PTPRA: variants seen among roughly 807,000 people sequenced by gnomAD.
The protein encoded by PTPRA is protein tyrosine phosphatase receptor type A.
A neutral mutation model predicts 104.8 loss-of-function variants in PTPRA; 25 were observed. The ratio of observed to expected loss-of-function variants is 0.24; its 90% CI spans 0.17 to 0.33. The LOEUF (loss-of-function observed/expected upper bound fraction) is 0.33. Ranked by LOEUF, PTPRA falls within the 10% of genes least tolerant of loss-of-function variation. PTPRA has a pLI of 1.00. For synonymous variants in PTPRA, 323 were observed against 368.9 expected (o/e 0.88, Z 1.43); for missense variants, 765 against 1,015.3 (o/e 0.75, Z 3.35).
chr20:2,997,389 A>G (rs1349284130), intron 9 of PTPRA, among the ~76,000 whole-genome samples: 8 of 152,310 alleles, frequency 5.3e-5, no homozygotes, highest in African/African-American at 4.8e-5. Flanking sequence ...AATCTAATGG[A>G]CTTAGTTTGC....
chr20:3,019,271 C>A (rs1167244491), intron 13 of PTPRA, among the ~76,000 whole-genome samples: 1 of 150,688 alleles, frequency 6.6e-6, no homozygotes, highest in Non-Finnish European at 1.5e-5. Context: ...CCACCTCCCT[C>A]CCGGACGAGG....
At chr20:2,893,546 A>G (rs775073181) in intron 1 of PTPRA, among the ~76,000 whole-genome samples, 44 of 152,322 alleles carry the variant, frequency 2.9e-4, no homozygotes, top group Middle Eastern at 3.4e-3. Flanking sequence ...TATATATGGT[A>G]TATCATATAT....
chr20:2,868,915 T>C (rs2089395775), upstream of PTPRA, among the ~76,000 whole-genome samples: 1 of 152,162 alleles, frequency 6.6e-6, no homozygotes, highest in Non-Finnish European at 1.5e-5. Context: ...ATGTGAGAAA[T>C]AACTTTTAAC....
chr20:2,906,389 C>A (rs1484357252), intron 1 of PTPRA, among the ~76,000 whole-genome samples: 3 of 152,096 alleles, frequency 2.0e-5, no homozygotes, highest in African/African-American at 7.2e-5. Context: ...CTGAAGAAAA[C>A]CTTTCTCCAA....
intron 1 of PTPRA, among the ~76,000 whole-genome samples, chr20:2,884,039 G>C (rs1338538710): frequency 6.6e-6 from 1 of 152,132 alleles, no homozygotes; most frequent in Non-Finnish European, 1.5e-5. Flanking sequence ...TAATGTTTCT[G>C]GGGTTCATTC....
rs550343094 is a variant in PTPRA at position 2,956,365 on chromosome 20, G to A, written c.-6-7907G>A. 3.7e-4 allele frequency among the ~76,000 whole-genome samples: 56 copies of A among 152,112 alleles called. 1 individual carries two copies. Among genetic ancestry groups the A allele is most frequent in the Admixed American group, 2.6e-3 (40 of 15,274 alleles). On this transcript the variant is annotated intron_variant, in intron 3 of 23. Coordinates refer to ENST00000399903, the MANE Select transcript of PTPRA (RefSeq NM_001385305.1). Reference sequence around the variant, plus strand: ...TTCATGATATGATCGCTGCCTCCTCGAGCCTCATTGTGTGCATTTCCCCGC... The same window carrying A: ...TTCATGATATGATCGCTGCCTCCTCAAGCCTCATTGTGTGCATTTCCCCGC...
intron 20 of PTPRA, among the ~76,000 whole-genome samples, chr20:3,030,293 G>T (rs1037670184): frequency 2.0e-5 from 3 of 152,172 alleles, no homozygotes; most frequent in South Asian, 4.2e-4. Flanking sequence ...AAATTCTGCT[G>T]CCTGTTGAGT....
chr20:2,881,104 C>A (rs1023072700), intron 1 of PTPRA, among the ~76,000 whole-genome samples: 11 of 151,750 alleles, frequency 7.2e-5, no homozygotes, highest in African/African-American at 2.7e-4. Flanking sequence ...GTCAAGAGAT[C>A]GAGACCATCC....
intron 1 of PTPRA, among the ~76,000 whole-genome samples, chr20:2,910,892 A>G (rs1464012657): frequency 1.3e-5 from 2 of 148,382 alleles, no homozygotes; most frequent in African/African-American, 2.5e-5. Context: ...GGTGTGAGCC[A>G]CCGCACCCGG....
intron 1 of PTPRA, among the ~76,000 whole-genome samples, chr20:2,879,900 AT>A: frequency 6.6e-6 from 1 of 152,322 alleles, no homozygotes; most frequent in East Asian, 1.9e-4. Context: ...TGTTTGCAGA[AT>A]TATGAAATCA....
intron 6 of PTPRA, among the ~76,000 whole-genome samples, chr20:2,978,431 T>C (rs1365785349): frequency 6.6e-6 from 1 of 152,124 alleles, no homozygotes; most frequent in Non-Finnish European, 1.5e-5. Flanking sequence ...CCAAAAAGTG[T>C]GGCAATAGGT....
intron 5 of PTPRA, among the ~76,000 whole-genome samples, chr20:2,973,624 G>C (rs1365023443): frequency 6.6e-6 from 1 of 152,084 alleles, no homozygotes; most frequent in East Asian, 1.9e-4. Flanking sequence ...TCTCACCATT[G>C]GGTTCTAGTT....
chr20:2,873,409 C>A (rs1396349574), upstream of PTPRA: 1 of 152,122 alleles, frequency 6.6e-6, no homozygotes, highest in Non-Finnish European at 1.5e-5. The surrounding 1 kb of genome is among the most constrained non-coding windows in gnomAD (Gnocchi z 4.4). Flanking sequence ...GGGCCGGAGA[C>A]GCCCGTTCGC....
rs149539458 is a variant in PTPRA at position 2,918,087 on chromosome 20, C to CA, written c.-128-5099dup. The stretch of plus-strand genomic sequence containing the variant: ...TGGGCGATAGAGTGAGACTCTGTCT[C>CA]AAAAAAAAAAAAAAAAAAAAAGACA... On this transcript the variant is annotated intron_variant, in intron 1 of 23. Coordinates refer to ENST00000399903, the MANE Select transcript of PTPRA (RefSeq NM_001385305.1). 3.0e-3 allele frequency among the ~76,000 whole-genome samples: 286 copies of CA among 94,080 alleles called. 2 individuals are homozygous for CA. Among genetic ancestry groups the CA allele is most frequent in the Middle Eastern group, 0.012 (2 of 172 alleles). 61.7% of individuals were successfully genotyped at this position (94,080 alleles called of 152,430 possible). A position where few individuals can be genotyped will look rare whatever the true frequency, so the allele number is the denominator to read the frequency against.
In PTPRA at chr20:2,905,911, C is replaced by T. The variant is rs554878813; in HGVS notation, c.-128-17296C>T. 3.9e-5 allele frequency among the ~76,000 whole-genome samples: 6 copies of T among 152,070 alleles called. 1 individual carries two copies. In the South Asian group the frequency reaches 1.2e-3, roughly 32 times the overall value. ...ATGTTGGTCAGGCTGGTCTCGAACTCCTGACCTCAGGTGATCCACCCGCCT... is the reference window on the plus strand; with the variant it reads ...ATGTTGGTCAGGCTGGTCTCGAACTTCTGACCTCAGGTGATCCACCCGCCT... On this transcript the variant is annotated intron_variant, in intron 1 of 23. Coordinates refer to ENST00000399903, the MANE Select transcript of PTPRA (RefSeq NM_001385305.1).
At position 3,019,638 on chromosome 20, in the gene PTPRA, C is replaced by T. The variant is rs1258806775; in HGVS notation, c.1042-1671C>T. On this transcript the variant is annotated intron_variant, in intron 13 of 23. Coordinates refer to ENST00000399903, the MANE Select transcript of PTPRA (RefSeq NM_001385305.1). The stretch of plus-strand genomic sequence containing the variant: ...CCTCACATCCCAGACGATGGGCGGC[C>T]GGGCAGAGACGCTCCTCACTTCCCA... 5.3e-5 allele frequency among the ~76,000 whole-genome samples: 8 copies of T among 151,818 alleles called. No homozygotes were observed. In the East Asian group the frequency reaches 9.7e-4, roughly 18 times the overall value.
At chr20:3,024,878 C>T (rs1242948788) in intron 17 of PTPRA, among the ~76,000 whole-genome samples, 2 of 113,166 alleles carry the variant, frequency 1.8e-5, no homozygotes, top group African/African-American at 7.5e-5. Context: ...TTATGATACA[C>T]AGCAAGAGCA....
At chr20:2,869,564 C>T (rs188615668), upstream of PTPRA, among the ~76,000 whole-genome samples, 385 of 152,310 alleles carry the variant, frequency 2.5e-3, 4 homozygotes, top group African/African-American at 8.6e-3. Context: ...GGCCAAGTTT[C>T]GTCCAATGTA....
chr20:2,866,794 C>T, the PTPRA span: 1 of 633,128 alleles, frequency 1.6e-6, no homozygotes, highest in East Asian at 2.9e-5. Context: ...ATCCTCCAGA[C>T]ACCACAGCAA....
Sources: gnomAD v4.1 joint callset for allele counts (sites outside exome capture counted in the v4.1 genomes callset) on GRCh38, gnomAD v4.1.1 for gene constraint, Gnocchi (gnomAD v3.1) non-coding constraint, MANE v1.5 for transcripts, NCBI Gene and HGNC (gene_info 2026-07-23, HGNC 2026-07-21) for gene names.